CAMTA1: variants seen among roughly 807,000 people sequenced by gnomAD.
CAMTA1 encodes calmodulin binding transcription activator 1.
In CAMTA1, 27 loss-of-function variants were observed where a neutral mutation model predicts 170.9. The observed-to-expected ratio is 0.16, with a 90% CI of 0.12 to 0.22. The LOEUF (loss-of-function observed/expected upper bound fraction) is 0.22, where lower values mean the gene tolerates loss of function less well. Among genes scored for constraint, CAMTA1 ranks in the 10% least tolerant of loss-of-function variants. The pLI, the probability that CAMTA1 is intolerant of heterozygous loss-of-function variation, is 1.00. For missense variants in CAMTA1, 1,619 were observed against 2,217.2 expected (o/e 0.73, Z 5.42); for synonymous variants, 833 against 891.5 (o/e 0.93, Z 1.17).
intron 6 of CAMTA1, among the ~76,000 whole-genome samples, chr1:7,514,464 C>T (rs1282253787): frequency 2.6e-5 from 4 of 152,210 alleles, no homozygotes; most frequent in African/African-American, 9.6e-5. Flanking sequence ...CATGGCATCA[C>T]GGAGCACTTG....
rs1394101376 is a variant in CAMTA1, at chr1:7,010,382, G to A, written c.235-80922G>A. Among the ~76,000 whole-genome samples, 2 of 152,190 alleles carry A rather than the reference G, an allele frequency of 1.3e-5. No homozygotes were observed. Among genetic ancestry groups the A allele is most frequent in the East Asian group, 1.9e-4 (1 of 5,188 alleles). On this transcript the variant is annotated intron_variant, in intron 3 of 22. Transcript: ENST00000303635. The surrounding 1 kb of genome is among the most constrained non-coding windows in gnomAD (Gnocchi z 4.4). The stretch of plus-strand genomic sequence containing the variant: ...GCTGTGCTCAGTGACTTTGGGCCAC[G>A]GGCTGTGGCGTCACATCCTCCAGAG...
intron 10 of CAMTA1, 67 bp from the exon 11 acceptor site, chr1:7,677,532 C>T: frequency 6.4e-7 from 1 of 1,556,970 alleles, no homozygotes; most frequent in Non-Finnish European, 8.7e-7. Flanking sequence ...ATTCCAGGCC[C>T]TGTGTGGTTC....
chr1:7,664,980 G>C lies in CAMTA1; in HGVS notation c.2433G>C (p.Arg811=), dbSNP rs1187684179. 1.2e-6 allele frequency: 2 copies of C among 1,610,482 alleles called. No homozygotes were observed. The highest frequency in any genetic ancestry group is 1.7e-6 in the Non-Finnish European group (2 of 1,178,556). ...TCTCACAGTCAGAGGACGGGGCGCG[G>C]GCCCCCTTCACCCAGGCAGAGATGT... is the stretch of plus-strand genomic sequence containing the variant. ...TALSQSEDGA[R]APFTQAEMCL... The change falls in exon 9 of 23, where the codon CGG becomes CGC. Residue 811 remains arginine (R), a synonymous_variant. Coordinates refer to ENST00000303635, the MANE Select transcript of CAMTA1 (RefSeq NM_015215.4).
intron 5 of CAMTA1, among the ~76,000 whole-genome samples, chr1:7,350,720 A>G (rs1167367312): frequency 6.6e-6 from 1 of 151,934 alleles, no homozygotes; most frequent in African/African-American, 2.4e-5. Flanking sequence ...AGGAAGTCAT[A>G]TGGTGTGTGT....
chr1:7,283,794 G>T (rs1027441067), intron 5 of CAMTA1, among the ~76,000 whole-genome samples: 11 of 152,102 alleles, frequency 7.2e-5, no homozygotes, highest in Admixed American at 7.2e-4. Flanking sequence ...GGTCATCATA[G>T]CAGCCCAAGC....
intron 5 of CAMTA1, among the ~76,000 whole-genome samples, chr1:7,369,721 C>A (rs572406303): frequency 6.6e-6 from 1 of 152,236 alleles, no homozygotes; most frequent in Non-Finnish European, 1.5e-5. Flanking sequence ...ACCCACATGT[C>A]TTCAGCCTCC....
rs79739601 is a variant in CAMTA1, at chr1:7,443,231, A to G, written c.439-24599A>G. Reference sequence around the variant, plus strand: ...ACCCTAGACGTGTATGATGATCTGCATGAAGTCCATTTCCCCACTTTCGTG... The same window carrying G: ...ACCCTAGACGTGTATGATGATCTGCGTGAAGTCCATTTCCCCACTTTCGTG... On this transcript the variant is annotated intron_variant, in intron 5 of 22. Coordinates refer to ENST00000303635, the MANE Select transcript of CAMTA1 (RefSeq NM_015215.4). The surrounding 1 kb of genome is among the most constrained non-coding windows in gnomAD (Gnocchi z 4.1). 2.7e-3 allele frequency among the ~76,000 whole-genome samples: 417 copies of G among 152,356 alleles called. 13 individuals are homozygous for G. The East Asian group carries it at 0.058, about 21-fold the overall frequency.
intron 8 of CAMTA1, 113 bp downstream of exon 8, chr1:7,661,979 G>C: frequency 7.7e-7 from 1 of 1,302,274 alleles, no homozygotes. Context: ...GAGGGAGGAG[G>C]GGGACAGTCA....
chr1:6,884,600 C>T (rs1004463637), intron 3 of CAMTA1, among the ~76,000 whole-genome samples: 7 of 152,090 alleles, frequency 4.6e-5, no homozygotes, highest in African/African-American at 1.7e-4. Context: ...AGTTTGTTGC[C>T]TGCAGTATCA....
At chr1:7,571,536 G>A (rs779609312) in intron 6 of CAMTA1, among the ~76,000 whole-genome samples, 1 of 152,000 alleles carries the variant, frequency 6.6e-6, no homozygotes, top group Non-Finnish European at 1.5e-5. Context: ...CCCTCTTTGT[G>A]CCCATGTGTT....
At chr1:7,207,937 G>C (rs1299725598) in intron 4 of CAMTA1, among the ~76,000 whole-genome samples, 1 of 152,158 alleles carries the variant, frequency 6.6e-6, no homozygotes, top group African/African-American at 2.4e-5. Context: ...GCAAAACCAG[G>C]GTTAAACTAA....
rs1426868351 is a variant in CAMTA1, at chr1:7,498,912, CGTAT to C, written c.510+31016_510+31019del. On this transcript the variant is annotated intron_variant, in intron 6 of 22. Coordinates refer to ENST00000303635, the MANE Select transcript of CAMTA1 (RefSeq NM_015215.4). ...GGATGGTGTGAGCCTGGTGTGAGTGCGTATGTATATGAGTGTGTGTGTGCATGTG... is the reference window on the plus strand; with the variant it reads ...GGATGGTGTGAGCCTGGTGTGAGTGCGTATATGAGTGTGTGTGTGCATGTG... 4.4e-3 allele frequency among the ~76,000 whole-genome samples: 394 copies of C among 88,746 alleles called. 6 individuals are homozygous for C. The highest frequency in any genetic ancestry group is 0.02 in the African/African-American group (371 of 18,714). 58.2% of individuals were successfully genotyped at this position (88,746 alleles called of 152,430 possible).
Position 7,673,644 on chromosome 1 carries a change from G to C in CAMTA1, c.2779+2607G>C, listed in dbSNP as rs919644874. On this transcript the variant is annotated intron_variant, in intron 10 of 22. Coordinates refer to ENST00000303635, the MANE Select transcript of CAMTA1 (RefSeq NM_015215.4). The surrounding 1 kb of genome is among the most constrained non-coding windows in gnomAD (Gnocchi z 4.6). Reference sequence around the variant, plus strand: ...GGACCAAGGGACCAGGAGCCACAAGGCTCAAGGCACACTGAGAGCTGGGAC... The same window carrying C: ...GGACCAAGGGACCAGGAGCCACAAGCCTCAAGGCACACTGAGAGCTGGGAC... Among the ~76,000 whole-genome samples, 2 of 152,174 alleles carry C rather than the reference G, an allele frequency of 1.3e-5. No homozygotes were observed. Among genetic ancestry groups the C allele is most frequent in the Non-Finnish European group, 2.9e-5 (2 of 68,030 alleles).
chr1:7,141,796 CAGA>C (rs1257339822), intron 4 of CAMTA1, among the ~76,000 whole-genome samples: 1 of 152,152 alleles, frequency 6.6e-6, no homozygotes, highest in Non-Finnish European at 1.5e-5. Flanking sequence ...TGCCAGCTGG[CAGA>C]AGGATGAGAG....
chr1:7,345,585 T>C (rs1268598402), intron 5 of CAMTA1, among the ~76,000 whole-genome samples: 1 of 152,156 alleles, frequency 6.6e-6, no homozygotes, highest in Non-Finnish European at 1.5e-5. Flanking sequence ...ACCCCGGGGC[T>C]CACTTTCCAC....
At chr1:7,071,817 ATG>A (rs1638686744) in intron 3 of CAMTA1, among the ~76,000 whole-genome samples, 1 of 152,222 alleles carries the variant, frequency 6.6e-6, no homozygotes, top group Non-Finnish European at 1.5e-5. Flanking sequence ...TTGGGCCATA[ATG>A]TGCTGAAAAT....
chr1:7,266,452 A>G (rs1394128088), intron 5 of CAMTA1, among the ~76,000 whole-genome samples: 1 of 152,236 alleles, frequency 6.6e-6, no homozygotes, highest in East Asian at 1.9e-4. Flanking sequence ...TAATAATTTA[A>G]TTCTTCCCTG....
rs185047581 is a variant in CAMTA1, at chr1:7,657,319, G to A, written c.665-4407G>A. Among the ~76,000 whole-genome samples, 652 of 152,272 alleles carry A rather than the reference G, an allele frequency of 4.3e-3. 6 individuals carry two copies. The highest frequency in any genetic ancestry group is 0.015 in the African/African-American group (634 of 41,556). ...TCCAACTATGGGGAGCTGCAGAGAG[G>A]GTCCCTCTGTCTGGGATTCAGCTCA... On this transcript the variant is annotated intron_variant, in intron 7 of 22. Transcript: ENST00000303635.
At chr1:7,310,358 T>G (rs1420065182) in intron 5 of CAMTA1, among the ~76,000 whole-genome samples, 2 of 152,234 alleles carry the variant, frequency 1.3e-5, no homozygotes, top group South Asian at 2.1e-4. Context: ...TGGCAAGTAT[T>G]TTTGTCTTTG....
Sources: allele counts gnomAD v4.1 joint callset (sites outside exome capture counted in the v4.1 genomes callset), GRCh38; gene constraint gnomAD v4.1.1; non-coding constraint Gnocchi (gnomAD v3.1); transcripts MANE v1.5; gene names NCBI Gene and HGNC (gene_info 2026-07-23, HGNC 2026-07-21).